Variants in PEMT observed in about 807,000 individuals in gnomAD.
The protein encoded by PEMT is phosphatidylethanolamine N-methyltransferase, also known as phospholipid methyltransferase.
PEMT carries 23 observed loss-of-function variants against 27.4 expected under a neutral mutation model. The ratio of observed to expected loss-of-function variants is 0.84; its 90% CI spans 0.60 to 1.19. The LOEUF (loss-of-function observed/expected upper bound fraction) is 1.19, where lower values mean the gene tolerates loss of function less well. Among genes scored for constraint, PEMT ranks in the 50% most tolerant of loss-of-function variants. The pLI is 0.00. For missense variants in PEMT, 307 were observed against 310.1 expected, an observed-to-expected ratio of 0.99 and a Z score of 0.07; for synonymous variants, 137 against 139.1, an observed-to-expected ratio of 0.98 and a Z score of 0.11.
intron 3 of PEMT, among the ~76,000 whole-genome samples, chr17:17,521,833 C>G (rs1907289390): frequency 6.6e-6 from 1 of 152,120 alleles, no homozygotes; most frequent in African/African-American, 2.4e-5. Flanking sequence ...TCCCAAAGTG[C>G]TAGGATTACA....
intron 2 of PEMT, among the ~76,000 whole-genome samples, chr17:17,543,072 G>A (rs1209745446): frequency 6.6e-6 from 1 of 152,184 alleles, no homozygotes; most frequent in Non-Finnish European, 1.5e-5. Context: ...CACCACCGGG[G>A]AAGCATGTCA....
intron 2 of PEMT, among the ~76,000 whole-genome samples, chr17:17,528,483 G>C (rs1907857370): frequency 6.6e-6 from 1 of 152,226 alleles, no homozygotes; most frequent in Non-Finnish European, 1.5e-5. Context: ...AGCGCTCCGA[G>C]GCCTTCTCTC....
intron 1 of PEMT, among the ~76,000 whole-genome samples, chr17:17,584,932 A>G (rs1232125738): frequency 6.6e-6 from 1 of 152,184 alleles, no homozygotes; most frequent in Non-Finnish European, 1.5e-5. Context: ...CAAGGAAAGC[A>G]CTCAGCGCAG....
At chr17:17,533,440 T>C (rs777376729) in intron 2 of PEMT, among the ~76,000 whole-genome samples, 7 of 152,246 alleles carry the variant, frequency 4.6e-5, no homozygotes, top group Non-Finnish European at 1.0e-4. Context: ...GTTTCTCAGA[T>C]GCAACACCAA....
chr17:17,508,625 A>C (rs1456938897), intron 5 of PEMT, among the ~76,000 whole-genome samples: 2 of 152,216 alleles, frequency 1.3e-5, no homozygotes, highest in Admixed American at 1.3e-4. Context: ...CTATGGAAGA[A>C]AATGGCTAAA....
chr17:17,549,803 G>C (rs1276891846), intron 2 of PEMT, among the ~76,000 whole-genome samples: 1 of 152,242 alleles, frequency 6.6e-6, no homozygotes, highest in Non-Finnish European at 1.5e-5. Context: ...GTGCTTTTCA[G>C]GCGGGTCTGG....
At chr17:17,533,732 CTCT>C (rs2142573281) in intron 2 of PEMT, among the ~76,000 whole-genome samples, 2 of 104,464 alleles carry the variant, frequency 1.9e-5, no homozygotes, top group Admixed American at 1.9e-4. Flanking sequence ...GGCAGTGTCT[CTCT>C]TTTTTTTTTT....
chr17:17,545,904 G>A (rs1220601447), intron 2 of PEMT, among the ~76,000 whole-genome samples: 1 of 152,028 alleles, frequency 6.6e-6, no homozygotes, highest in Non-Finnish European at 1.5e-5. Context: ...AAAAAGTACC[G>A]CTCTGCCTGA....
At chr17:17,545,048 T>G (rs1271839674) in intron 2 of PEMT, among the ~76,000 whole-genome samples, 1 of 152,056 alleles carries the variant, frequency 6.6e-6, no homozygotes, top group Non-Finnish European at 1.5e-5. Flanking sequence ...CCACTCAGCT[T>G]CCCGTGCAGG....
At chr17:17,552,736 C>A (rs1253964503) in intron 2 of PEMT, among the ~76,000 whole-genome samples, 1 of 152,206 alleles carries the variant, frequency 6.6e-6, no homozygotes, top group South Asian at 2.1e-4. Flanking sequence ...ACTCTGCTGT[C>A]GTTTCGACAT....
At chr17:17,591,729 C>T (rs1356462461), upstream of PEMT, 1 of 1,487,866 alleles carries the variant, frequency 6.7e-7, no homozygotes, top group African/African-American at 1.4e-5. Context: ...GGGGCGCTTT[C>T]CCGGTGACCC....
In PEMT at chr17:17,512,915, C is replaced by A. The variant is rs1456351055; in HGVS notation, c.321-261G>T. Among the ~76,000 whole-genome samples the A allele has an allele frequency of 2.0e-5, 3 of 152,184 alleles. No homozygotes were observed. Among genetic ancestry groups the A allele is most frequent in the African/African-American group, 7.2e-5 (3 of 41,428 alleles). On this transcript the variant is annotated intron_variant, in intron 3 of 6. Transcript: ENST00000255389. This position sits in a 1 kb window ranked among gnomAD's most constrained non-coding sequence, Gnocchi z 6.3. ...AATCCTGACTCGTATGTGAAATATCCTAATTTTTAGAAATAGACAATTCAT... is the reference window on the plus strand; with the variant it reads ...AATCCTGACTCGTATGTGAAATATCATAATTTTTAGAAATAGACAATTCAT...
intron 2 of PEMT, among the ~76,000 whole-genome samples, chr17:17,571,574 C>A (rs905555533): frequency 1.5e-4 from 23 of 152,096 alleles, no homozygotes; most frequent in Non-Finnish European, 2.9e-4. Flanking sequence ...GCGGGCAGCA[C>A]CCCAGCCCAA....
chr17:17,584,451 G>A (rs1364715552), intron 1 of PEMT, among the ~76,000 whole-genome samples: 2 of 152,150 alleles, frequency 1.3e-5, no homozygotes, highest in African/African-American at 2.4e-5. Flanking sequence ...GTGAGCCACC[G>A]CACCCGGCCC....
At position 17,527,610 on chromosome 17, in the gene PEMT, C is replaced by T. The variant is rs578229140; in HGVS notation, c.205-5215G>A. Among the ~76,000 whole-genome samples the T allele has an allele frequency of 2.0e-5, 3 of 152,334 alleles. No individual in the cohort carries two copies. The South Asian group carries it at 6.2e-4, about 32-fold the overall frequency. ...GCTGTGCGGATTAAGCGAATTCCTG[C>T]CCATGAAATGCCTGGAACGATACTA... On this transcript the variant is annotated intron_variant, in intron 2 of 6. Transcript: ENST00000255389.
intron 2 of PEMT, among the ~76,000 whole-genome samples, chr17:17,531,087 C>G (rs1435889557): frequency 6.6e-6 from 1 of 150,514 alleles, no homozygotes; most frequent in African/African-American, 2.4e-5. Context: ...AGGCCTGGAA[C>G]AGTGAGCACC....
intron 2 of PEMT, among the ~76,000 whole-genome samples, chr17:17,574,954 T>A (rs1018208358): frequency 6.6e-6 from 1 of 152,136 alleles, no homozygotes; most frequent in Non-Finnish European, 1.5e-5. Context: ...ACTCCAAAGG[T>A]TAGGCCCACA....
At chr17:17,539,631 G>A (rs1908741695) in intron 2 of PEMT, among the ~76,000 whole-genome samples, 2 of 152,206 alleles carry the variant, frequency 1.3e-5, no homozygotes, top group African/African-American at 4.8e-5. Flanking sequence ...GTGTAACTGT[G>A]TATTTTCATT....
intron 5 of PEMT, chr17:17,506,974 G>A: frequency 1.6e-6 from 1 of 607,818 alleles, no homozygotes; most frequent in Non-Finnish European, 2.9e-6. Flanking sequence ...GAGGCCCCAG[G>A]CAGAGCATAC....
Sources: gnomAD v4.1 joint callset for allele counts (sites outside exome capture counted in the v4.1 genomes callset) on GRCh38, gnomAD v4.1.1 for gene constraint, Gnocchi (gnomAD v3.1) non-coding constraint, MANE v1.5 for transcripts, NCBI Gene and HGNC (gene_info 2026-07-23, HGNC 2026-07-21) for gene names.